PLN: variants seen among roughly 807,000 people sequenced by gnomAD.
The protein encoded by PLN is cardiac phospholamban.
A neutral mutation model predicts 3.9 loss-of-function variants in PLN; 1 was observed. The ratio of observed to expected loss-of-function variants is 0.26; its 90% CI spans 0.09 to 1.23. PLN has a LOEUF of 1.23. Among genes scored for constraint, PLN ranks in the 50% most tolerant of loss-of-function variants. PLN has a pLI of 0.48. For missense variants in PLN, 59 were observed against 62.7 expected (o/e 0.94, Z 0.20); for synonymous variants, 21 against 20.5 (o/e 1.02, Z -0.07).
Position 118,558,981 on chromosome 6 carries a change from G to T in PLN, c.60G>T (p.Met20Ile). The T allele has an allele frequency of 6.2e-7, 1 of 1,612,304 alleles. No individual in the cohort carries two copies. Among genetic ancestry groups the T allele is most frequent in the South Asian group, 1.1e-5 (1 of 91,038 alleles). ...TAAGAAGAGCCTCAACCATTGAAAT[G>T]CCTCAACAAGCACGTCAAAAGCTAC... ...SAIRRASTIEMPQQARQKLQN... is the reference protein window; with the variant it reads ...SAIRRASTIEIPQQARQKLQN... Residue 20 changes from methionine to isoleucine, a missense_variant, in exon 2 of 2, where the codon ATG becomes ATT. Physicochemically the swap from Met to Ile is conservative, Grantham distance 10. Transcript: ENST00000357525.
rs564155031 is a variant in PLN, at chr6:118,557,344, A to G, written c.-97-1481A>G. On this transcript the variant is annotated intron_variant, in intron 1 of 1. Transcript: ENST00000357525. ...TTACATCTACAGAGTAACAGATTTA[A>G]AGAAACTATATGTTAGAACTTTTAC... Among the ~76,000 whole-genome samples the G allele has an allele frequency of 8.4e-4, 128 of 152,314 alleles. 1 individual carries two copies. Among genetic ancestry groups the G allele is most frequent in the African/African-American group, 2.8e-3 (116 of 41,580 alleles).
intron 1 of PLN, among the ~76,000 whole-genome samples, chr6:118,558,255 T>C (rs1778993122): frequency 6.6e-6 from 1 of 152,164 alleles, no homozygotes; most frequent in Admixed American, 6.5e-5. Flanking sequence ...CTGGCCTATC[T>C]GGTTTTTATT....
At chr6:118,554,830 GAAC>G (rs1423434831) in intron 1 of PLN, among the ~76,000 whole-genome samples, 1 of 152,132 alleles carries the variant, frequency 6.6e-6, no homozygotes, top group East Asian at 1.9e-4. Flanking sequence ...GGCAGAGATA[GAAC>G]AACATGTGCA....
Position 118,559,066 on chromosome 6 carries a change from G to A in PLN, c.145G>A (p.Val49Met), listed in dbSNP as rs749962743. The change falls in exon 2 of 2, where the codon GTG becomes ATG. Residue 49 changes from valine to methionine, a missense_variant. Physicochemically the swap from Val to Met is conservative, Grantham distance 21. Transcript: ENST00000357525. ...LICLLLICII[V>M]MLL ...ATGTCTCTTGCTGATCTGTATCATCGTGATGCTTCTCTGAAGTTCTGCTAC... is the reference window on the plus strand; with the variant it reads ...ATGTCTCTTGCTGATCTGTATCATCATGATGCTTCTCTGAAGTTCTGCTAC... 2.7e-5 allele frequency: 44 copies of A among 1,611,300 alleles called. No homozygotes were observed. Among genetic ancestry groups the A allele is most frequent in the Non-Finnish European group, 3.1e-5 (36 of 1,177,608 alleles).
chr6:118,560,472 A>C lies in PLN; in HGVS notation c.*1392A>C, dbSNP rs1345572178. Reference sequence around the variant, plus strand: ...CTTCACATTGAGTAGGCAGAGGAGGAGAAAGATGGGGAGGAAGAGAAGGCG... The same window carrying C: ...CTTCACATTGAGTAGGCAGAGGAGGCGAAAGATGGGGAGGAAGAGAAGGCG... On this transcript the variant is annotated 3_prime_UTR_variant, in exon 2 of 2. Coordinates refer to ENST00000357525, the MANE Select transcript of PLN (RefSeq NM_002667.5). 8 of 166,984 alleles carry C rather than the reference A, an allele frequency of 4.8e-5. No individual in the cohort carries two copies. Among genetic ancestry groups the C allele is most frequent in the Non-Finnish European group, 1.0e-4 (7 of 68,136 alleles). The allele number at this position is 166,984 out of a possible 1,614,324, so 10.3% of individuals were successfully genotyped here. A position where few individuals can be genotyped will look rare whatever the true frequency, so the allele number is the denominator to read the frequency against.
chr6:118,549,989 T>G (rs993318085), intron 1 of PLN, among the ~76,000 whole-genome samples: 1 of 151,930 alleles, frequency 6.6e-6, no homozygotes, highest in Non-Finnish European at 1.5e-5. Context: ...TACCTTAAGG[T>G]GCAAGTTAAG....
chr6:118,556,918 T>C (rs1778913059), intron 1 of PLN, among the ~76,000 whole-genome samples: 1 of 152,152 alleles, frequency 6.6e-6, no homozygotes. Context: ...ACATGTAAAT[T>C]CTTATTTTAT....
Position 118,550,003 on chromosome 6 carries a change from T to C in PLN, c.-98+1611T>C, listed in dbSNP as rs191285804. Among the ~76,000 whole-genome samples, 6 of 152,042 alleles carry C rather than the reference T, an allele frequency of 3.9e-5. No individual in the cohort carries two copies. The East Asian group carries it at 1.2e-3, about 29-fold the overall frequency. ...ATACCTTAAGGTGCAAGTTAAGTAT[T>C]ATCTTTGTTTATGAAGACATGTGGT... is the stretch of plus-strand genomic sequence containing the variant. On this transcript the variant is annotated intron_variant, in intron 1 of 1. Coordinates refer to ENST00000357525, the MANE Select transcript of PLN (RefSeq NM_002667.5).
rs1779233927 is a variant in PLN, at chr6:118,561,713, C to G, written c.*2633C>G. ...ATATTAAAATGAATGTTCTTGAAAA[C>G]TCAGTGGGGCTGCTCTATAATACAC... On this transcript the variant is annotated 3_prime_UTR_variant, in exon 2 of 2. Transcript: ENST00000357525. Among the ~76,000 whole-genome samples, 1 of 152,016 alleles carries G rather than the reference C, an allele frequency of 6.6e-6. No homozygotes were observed.
intron 1 of PLN, among the ~76,000 whole-genome samples, chr6:118,557,977 T>C (rs1055102823): frequency 3.9e-5 from 6 of 152,030 alleles, no homozygotes; most frequent in Non-Finnish European, 7.4e-5. Context: ...TTTTTTTTTT[T>C]TTCCTGGGAC....
chr6:118,553,639 T>C (rs775259620), intron 1 of PLN, among the ~76,000 whole-genome samples: 21 of 152,234 alleles, frequency 1.4e-4, no homozygotes, highest in Non-Finnish European at 2.9e-4. Flanking sequence ...ATACTATTTT[T>C]GGTCATCTCC....
intron 1 of PLN, among the ~76,000 whole-genome samples, chr6:118,556,807 G>A (rs1187033181): frequency 6.6e-6 from 1 of 151,992 alleles, no homozygotes; most frequent in Non-Finnish European, 1.5e-5. Flanking sequence ...TGACACATAA[G>A]TATACTGATT....
chr6:118,548,473 T>C lies in PLN; in HGVS notation c.-98+81T>C, dbSNP rs535935682. ...CCTATAATTTCTATAATCTGAACTT[T>C]TAAAATGAGTTAATTTTATGAATAT... On this transcript the variant is annotated intron_variant, in intron 1 of 1. Transcript: ENST00000357525. The C allele has an allele frequency of 6.6e-5, 10 of 152,206 alleles. No individual in the cohort carries two copies. The South Asian group carries it at 1.9e-3, about 28-fold the overall frequency. 9.4% of individuals were successfully genotyped at this position (152,206 alleles called of 1,614,324 possible).
intron 1 of PLN, among the ~76,000 whole-genome samples, chr6:118,557,850 C>CTGG (rs1250822937): frequency 6.6e-6 from 1 of 152,184 alleles, no homozygotes; most frequent in Non-Finnish European, 1.5e-5. Flanking sequence ...CTGCATGGAG[C>CTGG]TGGATGTGCT....
intron 1 of PLN, among the ~76,000 whole-genome samples, chr6:118,549,849 A>G (rs1159302638): frequency 6.6e-6 from 1 of 151,914 alleles, no homozygotes; most frequent in Non-Finnish European, 1.5e-5. Context: ...TGGATAGAGC[A>G]GAAATTATAT....
chr6:118,556,010 C>T (rs763469412), intron 1 of PLN, among the ~76,000 whole-genome samples: 3 of 152,182 alleles, frequency 2.0e-5, no homozygotes, highest in African/African-American at 4.8e-5. Context: ...CATAGTATTG[C>T]ATGGTGTATA....
intron 1 of PLN, among the ~76,000 whole-genome samples, chr6:118,556,185 C>G (rs1332211599): frequency 6.6e-6 from 1 of 152,018 alleles, no homozygotes; most frequent in African/African-American, 2.4e-5. Context: ...ATTGTTGGGT[C>G]GAATGGTAGT....
intron 1 of PLN, among the ~76,000 whole-genome samples, chr6:118,552,703 C>T (rs556181230): frequency 2.6e-5 from 4 of 150,988 alleles, no homozygotes; most frequent in Admixed American, 6.6e-5. Context: ...GAGGAAAGGA[C>T]GACAACCAAA....
chr6:118,556,021 T>C (rs1397485849), intron 1 of PLN, among the ~76,000 whole-genome samples: 1 of 152,244 alleles, frequency 6.6e-6, no homozygotes, highest in Non-Finnish European at 1.5e-5. Flanking sequence ...ATGGTGTATA[T>C]GTACCACATT....
Sources: allele counts gnomAD v4.1 joint callset (sites outside exome capture counted in the v4.1 genomes callset), GRCh38; gene constraint gnomAD v4.1.1; transcripts MANE v1.5; gene names NCBI Gene and HGNC (gene_info 2026-07-23, HGNC 2026-07-21).